The following PPP1R9A variants were observed in gnomAD, a reference collection of about 807,000 sequenced individuals.
The protein encoded by PPP1R9A is neurabin-1.
PPP1R9A carries 59 observed loss-of-function variants against 141.9 expected under a neutral mutation model. That is an observed-to-expected ratio of 0.42 (90% CI 0.34 to 0.52). The LOEUF is 0.52. PPP1R9A is among the 20% of genes least tolerant of loss of function. The pLI, the probability that PPP1R9A is intolerant of heterozygous loss-of-function variation, is 0.10. For synonymous variants in PPP1R9A, 500 were observed against 569.7 expected, an observed-to-expected ratio of 0.88 and a Z score of 1.74; for missense variants, 1,444 against 1,611.9, an observed-to-expected ratio of 0.90 and a Z score of 1.78.
chr7:94,992,445 T>G (rs1801634211), intron 2 of PPP1R9A, among the ~76,000 whole-genome samples: 1 of 152,240 alleles, frequency 6.6e-6, no homozygotes, highest in Non-Finnish European at 1.5e-5. Flanking sequence ...TATGAACAGA[T>G]GTATACAAAT....
intron 8 of PPP1R9A, among the ~76,000 whole-genome samples, chr7:95,235,674 A>G (rs1259689439): frequency 1.3e-5 from 2 of 152,174 alleles, no homozygotes; most frequent in African/African-American, 2.4e-5. Context: ...AACTCATTGT[A>G]TGGAAAAGAT....
At chr7:95,099,148 G>A (rs1334665386) in intron 2 of PPP1R9A, among the ~76,000 whole-genome samples, 2 of 152,186 alleles carry the variant, frequency 1.3e-5, no homozygotes, top group East Asian at 3.8e-4. Flanking sequence ...ACCAACTGCT[G>A]AGACACATGC....
chr7:95,290,416 C>T lies in PPP1R9A; in HGVS notation c.*113C>T, dbSNP rs1263184982. 87 of 1,209,324 alleles carry T rather than the reference C, an allele frequency of 7.2e-5. No homozygotes were observed. The highest frequency in any genetic ancestry group is 9.7e-5 in the Non-Finnish European group (86 of 882,392). The allele number at this position is 1,209,324 out of a possible 1,614,324, so 74.9% of individuals were successfully genotyped here. ...ACTAAATGATAAGGGTAATGCGGCT[C>T]TAGGCCGGCTGAGGAACTGTGTGTT... On this transcript the variant is annotated 3_prime_UTR_variant, in exon 20 of 20. Transcript: ENST00000433360.
chr7:95,182,069 G>A (rs1049017592), intron 5 of PPP1R9A, among the ~76,000 whole-genome samples: 1 of 151,940 alleles, frequency 6.6e-6, no homozygotes, highest in African/African-American at 2.4e-5. Context: ...CAAATAGGGT[G>A]CAGTGTATAC....
intron 16 of PPP1R9A, among the ~76,000 whole-genome samples, chr7:95,279,443 TG>T (rs1803761113): frequency 6.6e-6 from 1 of 152,230 alleles, no homozygotes; most frequent in Admixed American, 6.5e-5. Context: ...TGGAGACCTT[TG>T]AATAATGTCA....
chr7:94,929,812 G>A (rs1034883269), intron 2 of PPP1R9A, among the ~76,000 whole-genome samples: 20 of 152,196 alleles, frequency 1.3e-4, no homozygotes, highest in Non-Finnish European at 4.4e-5. Context: ...ATGAATGTTT[G>A]TCAGAATGGA....
intron 2 of PPP1R9A, among the ~76,000 whole-genome samples, chr7:94,940,328 T>C (rs935819406): frequency 2.6e-5 from 4 of 152,000 alleles, no homozygotes; most frequent in Non-Finnish European, 4.4e-5. Flanking sequence ...TCAAGTATAA[T>C]GTAGGGTGTC....
chr7:95,272,675 A>C (rs1483493121), intron 14 of PPP1R9A, among the ~76,000 whole-genome samples: 1 of 152,206 alleles, frequency 6.6e-6, no homozygotes, highest in Non-Finnish European at 1.5e-5. Flanking sequence ...CTAGACTGCT[A>C]TCCATGAACT....
At chr7:94,927,584 A>T (rs1584250422) in intron 2 of PPP1R9A, among the ~76,000 whole-genome samples, 1 of 152,220 alleles carries the variant, frequency 6.6e-6, no homozygotes, top group African/African-American at 2.4e-5. Flanking sequence ...TTGTCTTCTG[A>T]GTTGATTGAT....
chr7:95,043,697 C>T lies in PPP1R9A; in HGVS notation c.1396-67562C>T, dbSNP rs1413723316. 3.9e-5 allele frequency among the ~76,000 whole-genome samples: 6 copies of T among 152,322 alleles called. No homozygotes were observed. In the East Asian group the frequency reaches 9.6e-4, roughly 24 times the overall value. On this transcript the variant is annotated intron_variant, in intron 2 of 19. Coordinates refer to ENST00000433360, the MANE Select transcript of PPP1R9A (RefSeq NM_001166160.2). The stretch of plus-strand genomic sequence containing the variant: ...TTTCATACTTTCTCTAATAAATCTG[C>T]TTTTCTTTATCTACTATTGTCTTGT...
chr7:94,920,439 G>A (rs1286027695), intron 2 of PPP1R9A, among the ~76,000 whole-genome samples: 2 of 151,824 alleles, frequency 1.3e-5, no homozygotes, highest in African/African-American at 2.4e-5. Context: ...TTACAAAGAA[G>A]ACAGCGAAAT....
chr7:95,144,741 A>G (rs898632697), intron 4 of PPP1R9A, among the ~76,000 whole-genome samples: 3 of 152,218 alleles, frequency 2.0e-5, no homozygotes, highest in Non-Finnish European at 2.9e-5. Context: ...TAATAATTAG[A>G]CAAGAAAAAG....
intron 2 of PPP1R9A, among the ~76,000 whole-genome samples, chr7:94,958,450 A>G (rs1252479512): frequency 6.6e-6 from 1 of 152,116 alleles, no homozygotes; most frequent in African/African-American, 2.4e-5. Context: ...GCCACTGCCT[A>G]GCACAAGGCA....
chr7:95,274,118 G>C lies in PPP1R9A; in HGVS notation c.3246G>C (p.Lys1082Asn). 1 of 1,584,316 alleles carries C rather than the reference G, an allele frequency of 6.3e-7. No homozygotes were observed. The highest frequency in any genetic ancestry group is 8.5e-7 in the Non-Finnish European group (1 of 1,171,410). ...APLRRNSSKG[K>N]KWKEKEKEAS... ...TGCGAAGGAATTCCAGCAAGGGAAA[G>C]AAGTGGAAAGAAAAAGAAAAAGAAG... Residue 1082 changes from lysine (K) to asparagine (N), a missense_variant, in exon 16 of 20, where the codon AAG becomes AAC. This residue lies in a region of PPP1R9A where 459 missense variants were observed against 513.8 expected (regional missense o/e 0.89). Transcript: ENST00000433360.
At chr7:94,988,897 G>A (rs1170728867) in intron 2 of PPP1R9A, among the ~76,000 whole-genome samples, 1 of 151,192 alleles carries the variant, frequency 6.6e-6, no homozygotes, top group East Asian at 1.9e-4. Flanking sequence ...TTTAAAATTT[G>A]CATTAAATCT....
intron 4 of PPP1R9A, among the ~76,000 whole-genome samples, chr7:95,137,418 A>C (rs1825865027): frequency 4.6e-5 from 2 of 43,340 alleles, no homozygotes; most frequent in Admixed American, 2.6e-4. Context: ...ATGAACTCAA[A>C]AAAAAAAAAA....
rs561111590 is a variant in PPP1R9A, at chr7:94,974,326, A to T, written c.1395+62818A>T. On this transcript the variant is annotated intron_variant, in intron 2 of 19. Coordinates refer to ENST00000433360, the MANE Select transcript of PPP1R9A (RefSeq NM_001166160.2). ...AGTTCCTAGCCAGAGACACCAGGAT[A>T]ATCATAGATAGAGAAATGGAAATTA... Among the ~76,000 whole-genome samples the T allele has an allele frequency of 3.3e-5, 5 of 152,352 alleles. No individual in the cohort carries two copies. The East Asian group carries it at 9.6e-4, about 29-fold the overall frequency.
intron 2 of PPP1R9A, among the ~76,000 whole-genome samples, chr7:95,026,902 T>A (rs1467016021): frequency 6.6e-6 from 1 of 152,070 alleles, no homozygotes; most frequent in Non-Finnish European, 1.5e-5. Context: ...AACCACGTAC[T>A]CAAGCCTCAG....
intron 2 of PPP1R9A, among the ~76,000 whole-genome samples, chr7:95,054,151 C>T (rs1811188086): frequency 6.9e-6 from 1 of 144,184 alleles, no homozygotes. Flanking sequence ...GAGTCTTGCT[C>T]TCTTGCCCAG....
Sources: allele counts gnomAD v4.1 joint callset (sites outside exome capture counted in the v4.1 genomes callset), GRCh38; gene constraint gnomAD v4.1.1; regional missense constraint gnomAD v4.1.1; transcripts MANE v1.5; gene names NCBI Gene and HGNC (gene_info 2026-07-23, HGNC 2026-07-21).